RB1: variants seen among roughly 807,000 people sequenced by gnomAD.
The protein encoded by RB1 is retinoblastoma-associated protein.
RB1 carries 18 observed loss-of-function variants against 135.4 expected under a neutral mutation model. That is an observed-to-expected ratio of 0.13 (90% CI 0.09 to 0.20). The LOEUF (loss-of-function observed/expected upper bound fraction) is 0.20, where lower values mean the gene tolerates loss of function less well. Among genes scored for constraint, RB1 ranks in the 10% least tolerant of loss-of-function variants. The pLI, the probability that RB1 is intolerant of heterozygous loss-of-function variation, is 1.00. For synonymous variants in RB1, 365 were observed against 373.2 expected (o/e 0.98, Z 0.25); for missense variants, 868 against 1,110.0 (o/e 0.78, Z 3.10).
At chr13:48,381,731 A>AC (rs1948537970) in intron 17 of RB1, among the ~76,000 whole-genome samples, 1 of 152,212 alleles carries the variant, frequency 6.6e-6, no homozygotes, top group Non-Finnish European at 1.5e-5. Context: ...GTTCTAGGGT[A>AC]CATGTGCACA....
At chr13:48,472,786 C>A (rs529510038) in intron 23 of RB1, among the ~76,000 whole-genome samples, 8 of 152,176 alleles carry the variant, frequency 5.3e-5, no homozygotes, top group Non-Finnish European at 1.2e-4. Context: ...TTCACTAGTT[C>A]CATGTTCATG....
At chr13:48,411,559 T>C (rs936371960) in intron 17 of RB1, 3 of 1,613,680 alleles carry the variant, frequency 1.9e-6, no homozygotes, top group African/African-American at 2.7e-5. Flanking sequence ...TAGTAAACTA[T>C]AGGGTCAAAA....
chr13:48,430,633 G>A (rs1474663326), intron 17 of RB1, among the ~76,000 whole-genome samples: 2 of 152,112 alleles, frequency 1.3e-5, no homozygotes, highest in African/African-American at 2.4e-5. Flanking sequence ...CCAGATACTC[G>A]GAAGGCTGAG....
chr13:48,477,323 C>T (rs2138360579), intron 25 of RB1, 32 bp from the exon 26 acceptor site: 2 of 1,537,686 alleles, frequency 1.3e-6, no homozygotes, highest in South Asian at 1.1e-5. Context: ...TATAAATACA[C>T]ATGAAATGTT....
intron 17 of RB1, among the ~76,000 whole-genome samples, chr13:48,392,495 G>A (rs1165652767): frequency 6.6e-6 from 1 of 151,976 alleles, no homozygotes; most frequent in Non-Finnish European, 1.5e-5. Flanking sequence ...ATGTCTTCAA[G>A]TTTATTAATT....
At chr13:48,476,902 G>T in intron 25 of RB1, 59 bp downstream of exon 25, 3 of 1,582,540 alleles carry the variant, frequency 1.9e-6, no homozygotes, top group Non-Finnish European at 2.6e-6. Flanking sequence ...GGAATCCAGA[G>T]TCTCAGCACT....
chr13:48,316,547 G>C (rs1952184807), intron 2 of RB1, among the ~76,000 whole-genome samples: 1 of 152,028 alleles, frequency 6.6e-6, no homozygotes, highest in Non-Finnish European at 1.5e-5. Flanking sequence ...TTGAACAACA[G>C]TATTTTCTAA....
At chr13:48,430,427 A>G (rs1049110486) in intron 17 of RB1, among the ~76,000 whole-genome samples, 1 of 152,216 alleles carries the variant, frequency 6.6e-6, no homozygotes, top group Non-Finnish European at 1.5e-5. Context: ...AGTTCTGGAA[A>G]AAAATGAGCA....
chr13:48,388,555 A>C (rs2138154750), intron 17 of RB1, among the ~76,000 whole-genome samples: 1 of 152,292 alleles, frequency 6.6e-6, no homozygotes, highest in Non-Finnish European at 1.5e-5. Context: ...TAGATCAGGA[A>C]ATGAATGCTT....
At chr13:48,318,965 G>C in intron 2 of RB1, 3 of 843,746 alleles carry the variant, frequency 3.6e-6, no homozygotes. Flanking sequence ...GCGTGGGCTT[G>C]CAGAAAGGGA....
At chr13:48,315,006 C>T (rs777945526) in intron 2 of RB1, among the ~76,000 whole-genome samples, 11 of 152,096 alleles carry the variant, frequency 7.2e-5, no homozygotes, top group African/African-American at 1.4e-4. Flanking sequence ...CTTGACTATT[C>T]GGGCTCTTTT....
chr13:48,391,651 C>G (rs972148809), intron 17 of RB1: 1 of 152,264 alleles, frequency 6.6e-6, no homozygotes, highest in African/African-American at 2.4e-5. Flanking sequence ...TGGAGTCTCT[C>G]TCTGTCACCC....
In RB1 at chr13:48,334,499, T is replaced by C. The variant is rs150721393; in HGVS notation, c.265-8100T>C. Among the ~76,000 whole-genome samples the C allele has an allele frequency of 7.9e-5, 12 of 152,334 alleles. 1 individual carries two copies. In the East Asian group the frequency reaches 2.3e-3, roughly 29 times the overall value. On this transcript the variant is annotated intron_variant, in intron 2 of 26. Transcript: ENST00000267163. ...ATGTAACCCTACTGCTAATTACTTA[T>C]TACAGTCTCATGAACTATGCGTAAG... is the stretch of plus-strand genomic sequence containing the variant.
At chr13:48,404,056 C>G (rs1324121947) in intron 17 of RB1, 2 of 152,114 alleles carry the variant, frequency 1.3e-5, no homozygotes, top group Non-Finnish European at 2.9e-5. Context: ...TAAAAAGATG[C>G]CGTCCGGACA....
At chr13:48,316,267 C>T (rs1425466222) in intron 2 of RB1, among the ~76,000 whole-genome samples, 1 of 127,760 alleles carries the variant, frequency 7.8e-6, no homozygotes, top group Non-Finnish European at 1.7e-5. Context: ...ACCAGGGGGG[C>T]GGTGGGGGGC....
rs201554179 is a variant in RB1, at chr13:48,380,161, T to G, written c.1422-4T>G. 1.2e-5 allele frequency: 19 copies of G among 1,575,404 alleles called. No homozygotes were observed. Among genetic ancestry groups the G allele is most frequent in the Non-Finnish European group, 1.3e-5 (15 of 1,160,528 alleles). ...ATTTTATAATCTTTTTTTTTTTCCTTTAGCAAACTTCTGAATGACAACATT... is the reference window on the plus strand; with the variant it reads ...ATTTTATAATCTTTTTTTTTTTCCTGTAGCAAACTTCTGAATGACAACATT... On this transcript the variant is annotated splice_region_variant and splice_polypyrimidine_tract_variant and intron_variant, in intron 15 of 26. Coordinates refer to ENST00000267163, the MANE Select transcript of RB1 (RefSeq NM_000321.3).
chr13:48,342,486 A>G (rs1248496900), intron 2 of RB1, 113 bp from the exon 3 acceptor site: 1 of 712,498 alleles, frequency 1.4e-6, no homozygotes, highest in African/African-American at 1.8e-5. Context: ...CAGTATTACA[A>G]ACATTTATTT....
chr13:48,390,863 GATTTTC>G (rs548225423), intron 17 of RB1, among the ~76,000 whole-genome samples: 169 of 152,190 alleles, frequency 1.1e-3, no homozygotes, highest in Non-Finnish European at 1.7e-3. Context: ...TTAAAGAAGT[GATTTTC>G]TTATAGGCAG....
intron 2 of RB1, chr13:48,320,220 C>T (rs904294645): frequency 3.8e-6 from 4 of 1,040,824 alleles, no homozygotes; most frequent in Admixed American, 4.4e-5. Context: ...GCTCCTTGTG[C>T]ACGGTGGGCT....
Sources: allele counts gnomAD v4.1 joint callset (sites outside exome capture counted in the v4.1 genomes callset), GRCh38; gene constraint gnomAD v4.1.1; transcripts MANE v1.5; gene names NCBI Gene and HGNC (gene_info 2026-07-23, HGNC 2026-07-21).